NBAS: variants seen among roughly 807,000 people sequenced by gnomAD.
The protein encoded by NBAS is NAG/BC035112 fusion.
In NBAS, 219 loss-of-function variants were observed where a neutral mutation model predicts 302.5. The ratio of observed to expected loss-of-function variants is 0.72; its 90% CI spans 0.65 to 0.81. The LOEUF is 0.81. Ranked by LOEUF, NBAS falls within the 30% of genes least tolerant of loss-of-function variation. The pLI is 0.00. For missense variants in NBAS, 2,932 were observed against 2,841.6 expected, an observed-to-expected ratio of 1.03 and a Z score of -0.72; for synonymous variants, 1,118 against 1,021.6, an observed-to-expected ratio of 1.09 and a Z score of -1.80.
rs1198640323 is a variant in NBAS at position 15,365,085 on chromosome 2, A to C, written c.3817+1495T>G. ...GATCACATCCTATGTTGGCAGCATA[A>C]TTACTTGTTTCCCTAGCTTTCTAAG... On this transcript the variant is annotated intron_variant, in intron 32 of 51. Transcript: ENST00000281513. Among the ~76,000 whole-genome samples, 3 of 152,198 alleles carry C rather than the reference A, an allele frequency of 2.0e-5. No homozygotes were observed. The East Asian group carries it at 5.8e-4, about 29-fold the overall frequency.
the NBAS span, among the ~76,000 whole-genome samples, chr2:15,090,241 C>T: frequency 2.0e-5 from 3 of 152,182 alleles, no homozygotes; most frequent in Non-Finnish European, 2.9e-5. Flanking sequence ...TCACTCATTT[C>T]AGCTCTCTCC....
Position 15,554,154 on chromosome 2 carries a change from A to T in NBAS, c.210-16T>A. Reference sequence around the variant, plus strand: ...AGGTGCCGGGCTGAAATCACAACACATTAGTTAGCTTAAAATCTAATCATG... The same window carrying T: ...AGGTGCCGGGCTGAAATCACAACACTTTAGTTAGCTTAAAATCTAATCATG... On this transcript the variant is annotated splice_polypyrimidine_tract_variant and intron_variant, in intron 3 of 51. Coordinates refer to ENST00000281513, the MANE Select transcript of NBAS (RefSeq NM_015909.4). 6.2e-7 allele frequency: 1 copy of T among 1,606,888 alleles called. No individual in the cohort carries two copies. Among genetic ancestry groups the T allele is most frequent in the Non-Finnish European group, 8.5e-7 (1 of 1,174,354 alleles).
intron 40 of NBAS, among the ~76,000 whole-genome samples, chr2:15,298,787 T>C (rs1670663888): frequency 6.6e-6 from 1 of 152,172 alleles, no homozygotes; most frequent in Non-Finnish European, 1.5e-5. Flanking sequence ...TCGAAAGCAT[T>C]TTCACGTGAT....
chr2:14,903,197 T>G, the NBAS span, among the ~76,000 whole-genome samples: 1 of 152,178 alleles, frequency 6.6e-6, no homozygotes, highest in African/African-American at 2.4e-5. Context: ...TGGCCAAGCC[T>G]TTTAATGATA....
chr2:15,234,536 C>G lies in NBAS; in HGVS notation c.6146+9G>C. 3 of 1,612,988 alleles carry G rather than the reference C, an allele frequency of 1.9e-6. No individual in the cohort carries two copies. Among genetic ancestry groups the G allele is most frequent in the Non-Finnish European group, 8.5e-7 (1 of 1,179,884 alleles). On this transcript the variant is annotated intron_variant, in intron 46 of 51. Coordinates refer to ENST00000281513, the MANE Select transcript of NBAS (RefSeq NM_015909.4). ...CCAGTTTTTCCACAATGACCACTTTCTAGCTTACCTCAATGCAGAAATTAT... is the reference window on the plus strand; with the variant it reads ...CCAGTTTTTCCACAATGACCACTTTGTAGCTTACCTCAATGCAGAAATTAT...
At chr2:14,788,361 T>A in the NBAS span, among the ~76,000 whole-genome samples, 1 of 152,234 alleles carries the variant, frequency 6.6e-6, no homozygotes, top group Admixed American at 6.5e-5. Flanking sequence ...CCGTTGCTGG[T>A]GAGGAACTGC....
chr2:15,486,578 C>G (rs1680636827), intron 12 of NBAS, among the ~76,000 whole-genome samples: 1 of 152,206 alleles, frequency 6.6e-6, no homozygotes, highest in Non-Finnish European at 1.5e-5. Context: ...ATGACAACTT[C>G]TAGCCTGAAT....
At chr2:14,878,356 G>A in the NBAS span, among the ~76,000 whole-genome samples, 1 of 152,186 alleles carries the variant, frequency 6.6e-6, no homozygotes. Context: ...TGGGCCTGGG[G>A]TGTCCTTCAC....
chr2:15,417,725 A>G lies in NBAS; in HGVS notation c.2578-13T>C, dbSNP rs200682233. ...ATGCACAGTCCACCTAAAATTGAAA[A>G]GCAACAATAAGTTCCTGAGTATTAT... On this transcript the variant is annotated splice_polypyrimidine_tract_variant and intron_variant, in intron 23 of 51. Coordinates refer to ENST00000281513, the MANE Select transcript of NBAS (RefSeq NM_015909.4). 13 of 1,610,946 alleles carry G rather than the reference A, an allele frequency of 8.1e-6. No individual in the cohort carries two copies. The East Asian group carries it at 2.9e-4, about 36-fold the overall frequency.
chr2:15,365,361 T>C (rs1368776517), intron 32 of NBAS, among the ~76,000 whole-genome samples: 2 of 152,212 alleles, frequency 1.3e-5, no homozygotes, highest in Non-Finnish European at 2.9e-5. Flanking sequence ...TTATGGAATA[T>C]TCCCTGATGA....
chr2:14,953,531 C>A, the NBAS span, among the ~76,000 whole-genome samples: 2 of 152,188 alleles, frequency 1.3e-5, no homozygotes, highest in African/African-American at 2.4e-5. Flanking sequence ...GATCCCCTAG[C>A]CCCATGGAGT....
chr2:15,074,030 G>A, the NBAS span, among the ~76,000 whole-genome samples: 2 of 152,230 alleles, frequency 1.3e-5, no homozygotes, highest in African/African-American at 2.4e-5. Context: ...TATGAATAAT[G>A]AGGAAGACTA....
intron 35 of NBAS, among the ~76,000 whole-genome samples, chr2:15,336,365 T>C (rs1236428095): frequency 6.6e-6 from 1 of 152,212 alleles, no homozygotes; most frequent in Non-Finnish European, 1.5e-5. Context: ...AAATCTCTAT[T>C]GCTTGGATCT....
At chr2:15,437,227 G>T (rs1678068961) in intron 21 of NBAS, among the ~76,000 whole-genome samples, 1 of 152,082 alleles carries the variant, frequency 6.6e-6, no homozygotes, top group Non-Finnish European at 1.5e-5. Context: ...AGGATACCTG[G>T]AGTTCCAGCT....
chr2:15,536,011 C>T (rs538094684), intron 8 of NBAS, among the ~76,000 whole-genome samples: 4 of 152,264 alleles, frequency 2.6e-5, no homozygotes, highest in African/African-American at 7.2e-5. Context: ...CACAGATGTA[C>T]GCATTTGTCA....
intron 29 of NBAS, among the ~76,000 whole-genome samples, chr2:15,381,877 C>T (rs746893043): frequency 1.3e-5 from 2 of 152,124 alleles, no homozygotes; most frequent in Admixed American, 6.6e-5. Flanking sequence ...TTGTTAAAAT[C>T]GCCCTGAATT....
At chr2:15,187,156 A>G (rs1323607037) in intron 49 of NBAS, among the ~76,000 whole-genome samples, 2 of 152,140 alleles carry the variant, frequency 1.3e-5, no homozygotes, top group African/African-American at 2.4e-5. Flanking sequence ...AATTCTGACT[A>G]TTTGGGTCCT....
the NBAS span, among the ~76,000 whole-genome samples, chr2:14,915,432 C>T: frequency 6.6e-6 from 1 of 152,198 alleles, no homozygotes; most frequent in Admixed American, 6.5e-5. Context: ...TGTCCCCACC[C>T]ATATCTCATC....
chr2:14,932,008 C>T, the NBAS span, among the ~76,000 whole-genome samples: 1 of 152,098 alleles, frequency 6.6e-6, no homozygotes, highest in African/African-American at 2.4e-5. Flanking sequence ...TTTTGTAGAA[C>T]ATGAAGTGTT....
Sources: allele counts gnomAD v4.1 joint callset (sites outside exome capture counted in the v4.1 genomes callset), GRCh38; gene constraint gnomAD v4.1.1; transcripts MANE v1.5; gene names NCBI Gene and HGNC (gene_info 2026-07-23, HGNC 2026-07-21).